The following RELB variants were observed in gnomAD, a reference collection of about 807,000 sequenced individuals.
The protein encoded by RELB is RELB proto-oncogene, NF-kB subunit.
In RELB, 14 loss-of-function variants were observed where a neutral mutation model predicts 55.4. The observed-to-expected ratio is 0.25, with a 90% CI of 0.17 to 0.40. The LOEUF (loss-of-function observed/expected upper bound fraction) is 0.40, where lower values mean the gene tolerates loss of function less well. Among genes scored for constraint, RELB ranks in the 10% least tolerant of loss-of-function variants. RELB has a pLI of 1.00. For synonymous variants in RELB, 409 were observed against 371.3 expected, an observed-to-expected ratio of 1.10 and a Z score of -1.17; for missense variants, 669 against 830.7, an observed-to-expected ratio of 0.81 and a Z score of 2.39.
At chr19:45,034,020 G>A (rs909258980) in intron 9 of RELB, among the ~76,000 whole-genome samples, 4 of 151,896 alleles carry the variant, frequency 2.6e-5, no homozygotes, top group Non-Finnish European at 4.4e-5. Flanking sequence ...TTAGCTGGGC[G>A]TGGTGGCGCA....
At chr19:45,013,896 G>A (rs980653766) in intron 4 of RELB, among the ~76,000 whole-genome samples, 1 of 152,040 alleles carries the variant, frequency 6.6e-6, no homozygotes, top group African/African-American at 2.4e-5. Context: ...GCTGTTTCCA[G>A]ATTAGGTCAG....
intron 4 of RELB, among the ~76,000 whole-genome samples, chr19:45,015,232 G>C (rs1971408386): frequency 6.6e-6 from 1 of 152,122 alleles, no homozygotes; most frequent in Non-Finnish European, 1.5e-5. Flanking sequence ...CCCATCTTCA[G>C]AGTAGGAAAC....
rs184865323 is a variant in RELB, at chr19:45,023,895, C to T, written c.663-1434C>T. Among the ~76,000 whole-genome samples, 230 of 151,256 alleles carry T rather than the reference C, an allele frequency of 1.5e-3. 2 individuals carry two copies. The highest frequency in any genetic ancestry group is 5.2e-3 in the African/African-American group (213 of 41,276). The stretch of plus-strand genomic sequence containing the variant: ...CCTCCCAGGTAGCTGGGATTACAGG[C>T]GCCAGCCACCACACCTGGCTAATTT... On this transcript the variant is annotated intron_variant, in intron 5 of 11. Coordinates refer to ENST00000221452, the MANE Select transcript of RELB (RefSeq NM_006509.4).
At chr19:45,030,093 G>T (rs1971602723) in intron 8 of RELB, among the ~76,000 whole-genome samples, 1 of 152,098 alleles carries the variant, frequency 6.6e-6, no homozygotes, top group African/African-American at 2.4e-5. Flanking sequence ...CTTGAGCCCG[G>T]GAGGCGGAGG....
intron 4 of RELB, among the ~76,000 whole-genome samples, chr19:45,012,667 G>C (rs115613852): frequency 5.9e-5 from 9 of 151,360 alleles, no homozygotes; most frequent in Non-Finnish European, 1.2e-4. Context: ...GCCCAGGGAG[G>C]TGCAGGCTGC....
rs745736943 is a variant in RELB, at chr19:45,037,490, C to T, written c.1440C>T (p.Gly480=). ...TVSLPGLEPP[G]GPDLLDDGFA... ...CCCTGCCCGGCCTGGAGCCCCCTGG[C>T]GGGCCTGACCTCCTGGACGATGGCT... The change falls in exon 12 of 12, where the codon GGC becomes GGT. Residue 480 remains glycine, a synonymous_variant. Coordinates refer to ENST00000221452, the MANE Select transcript of RELB (RefSeq NM_006509.4). The T allele has an allele frequency of 9.9e-6, 16 of 1,612,084 alleles. No individual in the cohort carries two copies. The East Asian group carries it at 2.0e-4, about 20-fold the overall frequency.
intron 4 of RELB, among the ~76,000 whole-genome samples, chr19:45,019,459 G>A (rs73560254): frequency 0.013 from 1,962 of 152,190 alleles, 36 homozygotes; most frequent in African/African-American, 0.045. Flanking sequence ...CTAATCATAA[G>A]CTCCTCTGTA....
chr19:45,037,893 A>G lies in RELB; in HGVS notation c.*103A>G, dbSNP rs1971718349. The G allele has an allele frequency of 8.3e-7, 1 of 1,206,036 alleles. No homozygotes were observed. The highest frequency in any genetic ancestry group is 1.1e-6 in the Non-Finnish European group (1 of 905,306). 74.7% of individuals were successfully genotyped at this position (1,206,036 alleles called of 1,614,324 possible). The stretch of plus-strand genomic sequence containing the variant: ...ACCCCCATCCCCTTGGCCCTTCCTC[A>G]TGCTTCTGAAGTGGACATATTCAGC... On this transcript the variant is annotated 3_prime_UTR_variant, in exon 12 of 12. Coordinates refer to ENST00000221452, the MANE Select transcript of RELB (RefSeq NM_006509.4).
At chr19:45,008,404 C>T in intron 2 of RELB, 3 of 456,084 alleles carry the variant, frequency 6.6e-6, no homozygotes, top group Admixed American at 2.4e-5. Flanking sequence ...TCTCCCCCTA[C>T]AGCCCGGGAG....
chr19:45,025,361 A>G lies in RELB; in HGVS notation c.695A>G (p.Lys232Arg). ...FNNLGIQCVR[K>R]KEIEAAIERK... Reference sequence around the variant, plus strand: ...AACCTGGGCATCCAGTGTGTGAGGAAGAAGGAGATTGAGGCTGCCATTGAG... The same window carrying G: ...AACCTGGGCATCCAGTGTGTGAGGAGGAAGGAGATTGAGGCTGCCATTGAG... Residue 232 changes from lysine to arginine, a missense_variant, in exon 6 of 12, where the codon AAG becomes AGG. Lys to Arg is a conservative substitution (Grantham distance 26, BLOSUM62 2). Around this residue, in one of 3 missense-constraint regions of RELB, gnomAD observed 323 missense variants for 368.5 expected, o/e 0.88. Coordinates refer to ENST00000221452, the MANE Select transcript of RELB (RefSeq NM_006509.4). 1 of 1,612,860 alleles carries G rather than the reference A, an allele frequency of 6.2e-7. No homozygotes were observed. Among genetic ancestry groups the G allele is most frequent in the Non-Finnish European group, 8.5e-7 (1 of 1,179,534 alleles).
At chr19:45,013,853 A>G (rs532460953) in intron 4 of RELB, among the ~76,000 whole-genome samples, 1 of 149,286 alleles carries the variant, frequency 6.7e-6, no homozygotes, top group Non-Finnish European at 1.5e-5. Context: ...AAAGAAAAAG[A>G]AAAAAAGAAT....
At position 45,001,525 on chromosome 19, in the gene RELB, G is replaced by C; in HGVS notation, c.-55G>C. On this transcript the variant is annotated 5_prime_UTR_variant, in exon 1 of 12. Transcript: ENST00000221452. ...GCCCCAGCCCTTGCGCCGCTCGTCC[G>C]ACCCGCGATCGTCCACCAGACCGTG... 9.4e-7 allele frequency: 1 copy of C among 1,063,046 alleles called. No homozygotes were observed. Among genetic ancestry groups the C allele is most frequent in the Non-Finnish European group, 1.2e-6 (1 of 805,266 alleles). The allele number at this position is 1,063,046 out of a possible 1,614,324, so 65.9% of individuals were successfully genotyped here.
chr19:45,012,330 C>G, intron 4 of RELB, 54 bp downstream of exon 4: 1 of 1,144,840 alleles, frequency 8.7e-7, no homozygotes, highest in Non-Finnish European at 1.1e-6. Context: ...CCCTGCACCC[C>G]GGAGCCATCC....
chr19:45,005,723 C>T (rs542695500), intron 2 of RELB, among the ~76,000 whole-genome samples: 9 of 152,330 alleles, frequency 5.9e-5, no homozygotes, highest in South Asian at 4.1e-4. Context: ...CCTGCCTCAG[C>T]CTCCCGAGTA....
intron 8 of RELB, among the ~76,000 whole-genome samples, chr19:45,029,318 G>A (rs148307223): frequency 7.2e-5 from 11 of 152,254 alleles, no homozygotes; most frequent in African/African-American, 2.2e-4. Flanking sequence ...AACGCTTTAC[G>A]GTGGTTCTGA....
intron 5 of RELB, among the ~76,000 whole-genome samples, chr19:45,024,717 T>C (rs1971536951): frequency 6.6e-6 from 1 of 150,894 alleles, no homozygotes; most frequent in South Asian, 2.1e-4. Context: ...ACCCAGCTAA[T>C]TTTTGTATTT....
chr19:45,030,527 G>A (rs1971608591), intron 8 of RELB, among the ~76,000 whole-genome samples: 1 of 152,156 alleles, frequency 6.6e-6, no homozygotes, highest in Admixed American at 6.5e-5. Flanking sequence ...AGCTACTTGG[G>A]AGGCTGAGGC....
chr19:45,034,294 G>A lies in RELB; in HGVS notation c.1258G>A (p.Gly420Arg). 1 of 1,613,976 alleles carries A rather than the reference G, an allele frequency of 6.2e-7. No individual in the cohort carries two copies. The highest frequency in any genetic ancestry group is 2.2e-5 in the East Asian group (1 of 44,892). ...GAAACGGGGGATGCCCGACGTCCTTGGGGAGCTGAACAGCTCTGGTGTGTG... is the reference window on the plus strand; with the variant it reads ...GAAACGGGGGATGCCCGACGTCCTTAGGGAGCTGAACAGCTCTGGTGTGTG... ...KRKRGMPDVL[G>R]ELNSSDPHGI... The change falls in exon 10 of 12, where the codon GGG becomes AGG. Residue 420 changes from glycine (G) to arginine (R), a missense_variant. Physicochemically the swap from Gly to Arg is moderately radical, Grantham distance 125. This residue lies in a region of RELB where 341 missense variants were observed against 436.8 expected (regional missense o/e 0.78). Coordinates refer to ENST00000221452, the MANE Select transcript of RELB (RefSeq NM_006509.4).
intron 4 of RELB, among the ~76,000 whole-genome samples, chr19:45,013,069 A>C (rs1309730173): frequency 6.7e-6 from 1 of 149,800 alleles, no homozygotes; most frequent in African/African-American, 2.5e-5. Context: ...ACAAACAAAT[A>C]TATATAACAC....
Sources: gnomAD v4.1 joint callset for allele counts (sites outside exome capture counted in the v4.1 genomes callset) on GRCh38, gnomAD v4.1.1 for gene constraint, gnomAD v4.1.1 regional missense constraint, MANE v1.5 for transcripts, NCBI Gene and HGNC (gene_info 2026-07-23, HGNC 2026-07-21) for gene names.